ADCY5: variants seen among roughly 807,000 people sequenced by gnomAD.
ADCY5 encodes the protein adenylate cyclase type 5.
ADCY5 carries 30 observed loss-of-function variants against 119.7 expected under a neutral mutation model. The ratio of observed to expected loss-of-function variants is 0.25; its 90% confidence interval spans 0.19 to 0.34. The LOEUF is 0.34. ADCY5 is among the 10% of genes least tolerant of loss of function. The pLI, the probability that ADCY5 is intolerant of heterozygous loss-of-function variation, is 1.00. For missense variants in ADCY5, 1,324 were observed against 1,775.2 expected (o/e 0.75, Z 4.57); for synonymous variants, 753 against 762.2 (o/e 0.99, Z 0.20).
At chr3:123,285,930 A>G (rs888815941) in intron 20 of ADCY5, among the ~76,000 whole-genome samples, 2 of 152,332 alleles carry the variant, frequency 1.3e-5, no homozygotes, top group Admixed American at 6.5e-5. Flanking sequence ...GGGGGAGAGA[A>G]GTCAGGACAT....
rs1191878153 is a variant in ADCY5 at position 123,325,358 on chromosome 3, C to T, written c.2052G>A (p.Leu684=). Residue 684 remains leucine, a synonymous_variant, in exon 8 of 21, where the codon CTG becomes CTA. Coordinates refer to ENST00000462833, the MANE Select transcript of ADCY5 (RefSeq NM_183357.3). ...WGAERPFYNH[L]GGNQVSKEMK... ...TCTCCTTGGACACCTGGTTGCCACC[C>T]AGGTGGTTGTAGAAGGGGCGCTCAG... 1.2e-6 allele frequency: 2 copies of T among 1,614,124 alleles called. No individual in the cohort carries two copies. The highest frequency in any genetic ancestry group is 1.7e-5 in the Admixed American group (1 of 60,024).
At chr3:123,408,876 G>A (rs1456969725) in intron 1 of ADCY5, among the ~76,000 whole-genome samples, 1 of 151,586 alleles carries the variant, frequency 6.6e-6, no homozygotes, top group Non-Finnish European at 1.5e-5. Context: ...TAGGGAGGCT[G>A]AGACAGGAGA....
chr3:123,301,573 T>C (rs1442101931), intron 14 of ADCY5, among the ~76,000 whole-genome samples: 3 of 151,716 alleles, frequency 2.0e-5, no homozygotes, highest in Non-Finnish European at 4.4e-5. Flanking sequence ...CTGTGAGGAG[T>C]TGCTGAATCA....
At chr3:123,387,249 T>C (rs1944254316) in intron 1 of ADCY5, among the ~76,000 whole-genome samples, 1 of 152,218 alleles carries the variant, frequency 6.6e-6, no homozygotes, top group Non-Finnish European at 1.5e-5. Context: ...ATCATTGGTA[T>C]CAGGCTTTGA....
At chr3:123,347,736 C>T (rs759586879) in intron 3 of ADCY5, 46 bp downstream of exon 3, 27 of 1,610,664 alleles carry the variant, frequency 1.7e-5, no homozygotes, top group Non-Finnish European at 2.1e-5. Context: ...CCACAGGGGT[C>T]CAGCTCTCCC....
At chr3:123,320,375 G>C (rs902270228) in intron 9 of ADCY5, among the ~76,000 whole-genome samples, 1 of 152,248 alleles carries the variant, frequency 6.6e-6, no homozygotes, top group Non-Finnish European at 1.5e-5. Context: ...TGACAGTCCT[G>C]AGAACCAGAA....
intron 10 of ADCY5, among the ~76,000 whole-genome samples, chr3:123,318,323 G>A (rs901959699): frequency 3.9e-5 from 6 of 152,184 alleles, no homozygotes; most frequent in South Asian, 2.1e-4. Flanking sequence ...CTATGGAGAG[G>A]GCAGTTGAGA....
At chr3:123,293,860 C>G (rs1214534028) in intron 17 of ADCY5, among the ~76,000 whole-genome samples, 3 of 152,190 alleles carry the variant, frequency 2.0e-5, no homozygotes, top group Non-Finnish European at 4.4e-5. Flanking sequence ...ACGCTCAGAC[C>G]TTGGTTTCTA....
At chr3:123,315,048 T>A (rs1442140533) in intron 11 of ADCY5, among the ~76,000 whole-genome samples, 2 of 152,166 alleles carry the variant, frequency 1.3e-5, no homozygotes, top group Non-Finnish European at 2.9e-5. Flanking sequence ...ACAAAAGAGC[T>A]GTAAGTGACT....
chr3:123,375,359 T>A (rs892289787), intron 1 of ADCY5, among the ~76,000 whole-genome samples: 3 of 152,210 alleles, frequency 2.0e-5, no homozygotes, highest in Non-Finnish European at 4.4e-5. Context: ...GACGCTAAGT[T>A]TTCTCAGGTC....
chr3:123,437,559 C>T (rs979110830), intron 1 of ADCY5, among the ~76,000 whole-genome samples: 1 of 152,140 alleles, frequency 6.6e-6, no homozygotes, highest in Admixed American at 6.6e-5. Flanking sequence ...AAATGTCTTC[C>T]TCATAAGGAT....
At chr3:123,412,816 C>CA (rs551881505) in intron 1 of ADCY5, among the ~76,000 whole-genome samples, 6,736 of 135,498 alleles carry the variant, frequency 0.05, 442 homozygotes, top group African/African-American at 0.16. Flanking sequence ...CAAACAATGA[C>CA]AAAAAAAAAA....
At position 123,296,000 on chromosome 3, in the gene ADCY5, G is replaced by A. The variant is rs1939476157; in HGVS notation, c.3063+84C>T. On this transcript the variant is annotated intron_variant, in intron 17 of 20. Transcript: ENST00000462833. ...CAGTGTAAGACGAAGGCCCGGCTTG[G>A]CCTGGCCCAGCAGACGAGCCTGTTG... 7 of 1,565,052 alleles carry A rather than the reference G, an allele frequency of 4.5e-6. No homozygotes were observed. The Admixed American group carries it at 8.6e-5, about 19-fold the overall frequency.
intron 17 of ADCY5, among the ~76,000 whole-genome samples, chr3:123,293,162 G>A (rs928752850): frequency 4.6e-5 from 7 of 152,244 alleles, no homozygotes; most frequent in African/African-American, 1.7e-4. Context: ...AATGCTGGAG[G>A]AAGGGACAAG....
At chr3:123,433,161 G>C (rs1325969968) in intron 1 of ADCY5, among the ~76,000 whole-genome samples, 1 of 152,162 alleles carries the variant, frequency 6.6e-6, no homozygotes, top group Non-Finnish European at 1.5e-5. Flanking sequence ...AAAAAGAAGG[G>C]GATGTTTCCA....
rs546145080 is a variant in ADCY5, at chr3:123,317,421, C to T, written c.2354+599G>A. 4.0e-5 allele frequency among the ~76,000 whole-genome samples: 6 copies of T among 150,814 alleles called. No individual in the cohort carries two copies. In the East Asian group the frequency reaches 5.8e-4, roughly 15 times the overall value. ...TCAGTGATGGGGTGGGTTAATGGGA[C>T]GAGACAATTAAGTGATAAAAAGGCG... is the stretch of plus-strand genomic sequence containing the variant. On this transcript the variant is annotated intron_variant, in intron 11 of 20. Coordinates refer to ENST00000462833, the MANE Select transcript of ADCY5 (RefSeq NM_183357.3).
rs1389237668 is a variant in ADCY5 at position 123,286,076 on chromosome 3, C to T, written c.3657+609G>A. Among the ~76,000 whole-genome samples, 1 of 152,186 alleles carries T rather than the reference C, an allele frequency of 6.6e-6. No individual in the cohort carries two copies. The highest frequency in any genetic ancestry group is 6.5e-5 in the Admixed American group (1 of 15,286). ...GAGGGCCGTGCAGGAGGACTACTGC[C>T]CAGGGCGGTGCCTCTGCCATCAGAC... is the stretch of plus-strand genomic sequence containing the variant. On this transcript the variant is annotated intron_variant, in intron 20 of 20. Transcript: ENST00000462833. The surrounding 1 kb of genome is among the most constrained non-coding windows in gnomAD (Gnocchi z 4.2).
intron 1 of ADCY5, among the ~76,000 whole-genome samples, chr3:123,374,732 C>T (rs949548869): frequency 3.3e-5 from 5 of 149,468 alleles, no homozygotes; most frequent in African/African-American, 1.2e-4. Flanking sequence ...GGTCTGCAGA[C>T]TAGGAATGCT....
chr3:123,371,275 CT>C (rs747900689), intron 1 of ADCY5, among the ~76,000 whole-genome samples: 12 of 152,300 alleles, frequency 7.9e-5, no homozygotes, highest in Non-Finnish European at 1.8e-4. Flanking sequence ...TCAGAATCTT[CT>C]CCTACAAAAT....
Sources: gnomAD v4.1 joint callset for allele counts (sites outside exome capture counted in the v4.1 genomes callset) on GRCh38, gnomAD v4.1.1 for gene constraint, Gnocchi (gnomAD v3.1) non-coding constraint, MANE v1.5 for transcripts, NCBI Gene and HGNC (gene_info 2026-07-23, HGNC 2026-07-21) for gene names.